PHF20: variants seen among roughly 807,000 people sequenced by gnomAD.
The protein encoded by PHF20 is glioma-expressed antigen 2.
A neutral mutation model predicts 113.5 loss-of-function variants in PHF20; 23 were observed. That is an observed-to-expected ratio of 0.20 (90% CI 0.15 to 0.29). The LOEUF (loss-of-function observed/expected upper bound fraction) is 0.29, where lower values mean the gene tolerates loss of function less well. Among genes scored for constraint, PHF20 ranks in the 10% least tolerant of loss-of-function variants. PHF20 has a pLI of 1.00. For missense variants in PHF20, 943 were observed against 1,219.6 expected (o/e 0.77, Z 3.38); for synonymous variants, 434 against 457.3 (o/e 0.95, Z 0.65).
intron 9 of PHF20, among the ~76,000 whole-genome samples, chr20:35,885,331 T>A (rs1227792878): frequency 6.6e-6 from 1 of 152,002 alleles, no homozygotes; most frequent in Admixed American, 6.6e-5. Flanking sequence ...GGGGGTAAAT[T>A]TTTTTTATTT....
intron 2 of PHF20, among the ~76,000 whole-genome samples, chr20:35,825,670 G>T (rs1466050853): frequency 1.3e-5 from 2 of 152,080 alleles, no homozygotes; most frequent in African/African-American, 2.4e-5. Context: ...TAGAGAGAGG[G>T]TCTTGCTTTG....
intron 6 of PHF20, among the ~76,000 whole-genome samples, chr20:35,863,974 G>C (rs1164035091): frequency 1.3e-5 from 2 of 152,260 alleles, no homozygotes. Context: ...ATTTAGGGAA[G>C]AATGCAGTTA....
At chr20:35,786,948 C>G (rs915934743) in intron 1 of PHF20, among the ~76,000 whole-genome samples, 8 of 150,404 alleles carry the variant, frequency 5.3e-5, no homozygotes, top group Non-Finnish European at 8.9e-5. Context: ...CTTCTTGAAT[C>G]TATATACCCA....
chr20:35,870,766 C>G (rs572356802), intron 7 of PHF20, among the ~76,000 whole-genome samples, 189 bp from the exon 8 acceptor site: 1 of 152,090 alleles, frequency 6.6e-6, no homozygotes, highest in Non-Finnish European at 1.5e-5. Flanking sequence ...AAATTCTATC[C>G]TGGCAGGGAC....
intron 13 of PHF20, among the ~76,000 whole-genome samples, chr20:35,923,149 C>T (rs747154958): frequency 2.0e-5 from 3 of 152,094 alleles, no homozygotes; most frequent in South Asian, 2.1e-4. Context: ...TAAACAAATG[C>T]GTATGGCTGT....
intron 2 of PHF20, among the ~76,000 whole-genome samples, chr20:35,829,830 T>A (rs775459054): frequency 6.8e-5 from 10 of 147,348 alleles, no homozygotes; most frequent in Non-Finnish European, 1.2e-4. Context: ...CTGTCTCTCC[T>A]GGCCTCAAGC....
At chr20:35,816,780 T>A (rs938100463) in intron 2 of PHF20, among the ~76,000 whole-genome samples, 4 of 147,028 alleles carry the variant, frequency 2.7e-5, no homozygotes, top group Non-Finnish European at 4.5e-5. Context: ...AATCCAAAAT[T>A]AAATGAGTTT....
chr20:35,798,265 T>C (rs1434174469), intron 1 of PHF20, among the ~76,000 whole-genome samples: 1 of 151,608 alleles, frequency 6.6e-6, no homozygotes. Flanking sequence ...GATAACAAAT[T>C]AGCTGGGTGT....
At chr20:35,875,520 T>C (rs556686857) in intron 9 of PHF20, among the ~76,000 whole-genome samples, 1 of 152,298 alleles carries the variant, frequency 6.6e-6, no homozygotes, top group African/African-American at 2.4e-5. Context: ...CTCGAGGGCT[T>C]GTCGGGGCAA....
intron 13 of PHF20, among the ~76,000 whole-genome samples, chr20:35,923,844 TG>T (rs2055568059): frequency 6.6e-6 from 1 of 152,206 alleles, no homozygotes; most frequent in Admixed American, 6.6e-5. Flanking sequence ...CTCCAGCTCC[TG>T]GGCTCAAGTG....
At chr20:35,894,849 G>A (rs1340875863) in intron 9 of PHF20, among the ~76,000 whole-genome samples, 1 of 152,124 alleles carries the variant, frequency 6.6e-6, no homozygotes. Flanking sequence ...ATACACAAGA[G>A]TGCAAGTTTT....
Position 35,793,778 on chromosome 20 carries a change from A to G in PHF20, c.-32-7713A>G, listed in dbSNP as rs1426229644. Among the ~76,000 whole-genome samples the G allele has an allele frequency of 3.3e-4, 48 of 143,850 alleles. No individual in the cohort carries two copies. The Middle Eastern group carries it at 0.013, about 40-fold the overall frequency. 94.4% of individuals were successfully genotyped at this position (143,850 alleles called of 152,430 possible). A position where few individuals can be genotyped will look rare whatever the true frequency, so the allele number is the denominator to read the frequency against. On this transcript the variant is annotated intron_variant, in intron 1 of 17. Transcript: ENST00000374012. ...TTTGGGAGGCTGAGGTTGGTGGATC[A>G]CTGGAGGTCAGGAGTTCGAGACCAG...
At chr20:35,869,282 T>A (rs987492683) in intron 6 of PHF20, among the ~76,000 whole-genome samples, 156 bp from the exon 7 acceptor site, 1 of 152,196 alleles carries the variant, frequency 6.6e-6, no homozygotes, top group African/African-American at 2.4e-5. Flanking sequence ...TTTTACTTTT[T>A]TTCTTTTATC....
At chr20:35,834,247 G>GTTTTTT (rs769738682) in intron 2 of PHF20, among the ~76,000 whole-genome samples, 3 of 111,102 alleles carry the variant, frequency 2.7e-5, no homozygotes, top group Admixed American at 9.8e-5. Context: ...TACAGCTATG[G>GTTTTTT]TTTTTTTTTT....
chr20:35,832,145 A>G (rs1336457994), intron 2 of PHF20, among the ~76,000 whole-genome samples: 1 of 152,096 alleles, frequency 6.6e-6, no homozygotes, highest in African/African-American at 2.4e-5. Flanking sequence ...AACTCTCCCC[A>G]GCTTCACTGC....
At chr20:35,772,247 T>C (rs1271185506) in intron 1 of PHF20, among the ~76,000 whole-genome samples, 168 bp downstream of exon 1, 3 of 151,732 alleles carry the variant, frequency 2.0e-5, no homozygotes, top group Non-Finnish European at 4.4e-5. Flanking sequence ...AGGGAGGCCC[T>C]GGGACTGCTG....
chr20:35,927,222 GAA>G (rs923153514), intron 13 of PHF20, among the ~76,000 whole-genome samples: 5 of 152,202 alleles, frequency 3.3e-5, no homozygotes, highest in African/African-American at 9.7e-5. Context: ...GGTTTAGAGA[GAA>G]TAAATGCAAA....
chr20:35,918,553 C>T (rs1310926703), intron 13 of PHF20, among the ~76,000 whole-genome samples: 1 of 152,168 alleles, frequency 6.6e-6, no homozygotes. Context: ...TGCAAAATGG[C>T]CACCTTTGGC....
At chr20:35,859,145 C>T (rs972582536) in intron 5 of PHF20, among the ~76,000 whole-genome samples, 11 of 152,228 alleles carry the variant, frequency 7.2e-5, no homozygotes, top group African/African-American at 2.6e-4. Context: ...ATTTGGCAGC[C>T]ACTTGTGCTA....
Sources: allele counts gnomAD v4.1 joint callset (sites outside exome capture counted in the v4.1 genomes callset), GRCh38; gene constraint gnomAD v4.1.1; transcripts MANE v1.5; gene names NCBI Gene and HGNC (gene_info 2026-07-23, HGNC 2026-07-21).